Variants in TCF7L1 observed in about 807,000 individuals in gnomAD.
TCF7L1 encodes the protein transcription factor 7 like 1, also known as transcription factor 7-like 1.
In TCF7L1, 18 loss-of-function variants were observed where a neutral mutation model predicts 63.7. The ratio of observed to expected loss-of-function variants is 0.28; its 90% confidence interval spans 0.20 to 0.42. The LOEUF (loss-of-function observed/expected upper bound fraction) is 0.42. Among genes scored for constraint, TCF7L1 ranks in the 10% least tolerant of loss-of-function variants. The probability of loss-of-function intolerance (pLI) is 1.00; values close to 1 mark genes in which losing one functional copy is unlikely to be tolerated. For missense variants in TCF7L1, 654 were observed against 779.3 expected (o/e 0.84, Z 1.91); for synonymous variants, 355 against 340.9 (o/e 1.04, Z -0.46).
chr2:85,175,077 C>A (rs957886637), intron 3 of TCF7L1, among the ~76,000 whole-genome samples: 9 of 152,250 alleles, frequency 5.9e-5, no homozygotes, highest in African/African-American at 2.2e-4. Flanking sequence ...ATCCTTGTCC[C>A]TGGCCCGCCC....
chr2:85,178,890 C>T (rs944414750), intron 3 of TCF7L1, among the ~76,000 whole-genome samples: 1 of 152,098 alleles, frequency 6.6e-6, no homozygotes, highest in Non-Finnish European at 1.5e-5. Context: ...GATTGGATCT[C>T]CTGCCTACAG....
intron 3 of TCF7L1, among the ~76,000 whole-genome samples, chr2:85,182,495 G>A (rs977882441): frequency 6.6e-6 from 1 of 152,202 alleles, no homozygotes; most frequent in African/African-American, 2.4e-5. Flanking sequence ...AATGAATGAA[G>A]TGGGTAGAGA....
At chr2:85,208,239 G>A (rs113874259) in intron 3 of TCF7L1, among the ~76,000 whole-genome samples, 3,850 of 152,214 alleles carry the variant, frequency 0.025, 171 homozygotes, top group African/African-American at 0.087. Context: ...TATATTTTCA[G>A]CCTACAATGG....
At chr2:85,208,070 C>G (rs1258020550) in intron 3 of TCF7L1, among the ~76,000 whole-genome samples, 1 of 152,030 alleles carries the variant, frequency 6.6e-6, no homozygotes, top group African/African-American at 2.4e-5. Flanking sequence ...CCACACATGG[C>G]CAATTTTTTG....
At chr2:85,275,210 T>G (rs1283745350) in intron 3 of TCF7L1, among the ~76,000 whole-genome samples, 1 of 152,196 alleles carries the variant, frequency 6.6e-6, no homozygotes, top group Admixed American at 6.5e-5. Context: ...AAGTAAAATA[T>G]TCCCATTTTA....
At chr2:85,240,227 C>T (rs1390382402) in intron 3 of TCF7L1, among the ~76,000 whole-genome samples, 1 of 152,210 alleles carries the variant, frequency 6.6e-6, no homozygotes, top group African/African-American at 2.4e-5. Context: ...CTCTGGGAGC[C>T]TCCCTTTCCT....
At chr2:85,280,588 A>G (rs1272244770) in intron 3 of TCF7L1, among the ~76,000 whole-genome samples, 1 of 152,214 alleles carries the variant, frequency 6.6e-6, no homozygotes, top group Non-Finnish European at 1.5e-5. Context: ...TTAGGTACCC[A>G]TCTATCCTGT....
intron 3 of TCF7L1, among the ~76,000 whole-genome samples, chr2:85,211,809 G>T (rs1211285411): frequency 6.6e-6 from 1 of 152,138 alleles, no homozygotes; most frequent in Non-Finnish European, 1.5e-5. Flanking sequence ...CAGACTTTCG[G>T]CCAGGAATGG....
chr2:85,309,771 T>G lies in TCF7L1; in HGVS notation c.*309T>G. On this transcript the variant is annotated 3_prime_UTR_variant, in exon 12 of 12. Coordinates refer to ENST00000282111, the MANE Select transcript of TCF7L1 (RefSeq NM_031283.3). ...AGAGGGCACTTCTCTCTCTTACCTC[T>G]CTTGCACTTTCTGTCTCCTGTCTCT... is the stretch of plus-strand genomic sequence containing the variant. 3.3e-6 allele frequency: 1 copy of G among 300,316 alleles called. No homozygotes were observed. Among genetic ancestry groups the G allele is most frequent in the Non-Finnish European group, 6.1e-6 (1 of 163,420 alleles). The allele number at this position is 300,316 out of a possible 1,614,324, so 18.6% of individuals were successfully genotyped here.
chr2:85,261,755 T>C (rs1680861743), intron 3 of TCF7L1, among the ~76,000 whole-genome samples: 1 of 151,614 alleles, frequency 6.6e-6, no homozygotes, highest in Non-Finnish European at 1.5e-5. Context: ...GGTGTGGTGA[T>C]GTGTGCCTAT....
At chr2:85,281,894 C>G (rs1681428838) in intron 3 of TCF7L1, among the ~76,000 whole-genome samples, 1 of 152,210 alleles carries the variant, frequency 6.6e-6, no homozygotes, top group African/African-American at 2.4e-5. Flanking sequence ...TGGGGCTCTT[C>G]CCATCGCCCT....
At chr2:85,195,133 C>T in intron 3 of TCF7L1, among the ~76,000 whole-genome samples, 1 of 152,236 alleles carries the variant, frequency 6.6e-6, no homozygotes, top group East Asian at 1.9e-4. Context: ...ACCTACAAAC[C>T]TTGTAACCTT....
At chr2:85,145,387 T>C (rs892969500) in intron 3 of TCF7L1, among the ~76,000 whole-genome samples, 1 of 152,190 alleles carries the variant, frequency 6.6e-6, no homozygotes, top group African/African-American at 2.4e-5. Context: ...ATGGATCTCA[T>C]TGATAATGAG....
chr2:85,204,291 T>TGCCCC (rs1491359190), intron 3 of TCF7L1, among the ~76,000 whole-genome samples: 1 of 22,022 alleles, frequency 4.5e-5, no homozygotes, highest in African/African-American at 1.9e-4. Flanking sequence ...ATAACTTGCT[T>TGCCCC]CCCCCCCCCC....
At chr2:85,166,701 C>A (rs1300513072) in intron 3 of TCF7L1, among the ~76,000 whole-genome samples, 1 of 152,210 alleles carries the variant, frequency 6.6e-6, no homozygotes, top group Non-Finnish European at 1.5e-5. Context: ...GCATTTGATA[C>A]AAATCCCAGA....
intron 3 of TCF7L1, among the ~76,000 whole-genome samples, chr2:85,247,184 T>C (rs1341048129): frequency 3.9e-5 from 6 of 152,220 alleles, no homozygotes; most frequent in African/African-American, 1.4e-4. Flanking sequence ...GAACACAGCT[T>C]ACCAGGATAC....
chr2:85,249,879 T>A (rs1041313625), intron 3 of TCF7L1, among the ~76,000 whole-genome samples: 11 of 152,238 alleles, frequency 7.2e-5, no homozygotes, highest in Admixed American at 7.2e-4. Context: ...TTTCCTCATC[T>A]GTGAAAAGGT....
At chr2:85,165,362 AACAAGC>A (rs11267446) in intron 3 of TCF7L1, among the ~76,000 whole-genome samples, 20,922 of 152,232 alleles carry the variant, frequency 0.14, 1,679 homozygotes, top group Admixed American at 0.21. Flanking sequence ...GAAGCTTTTG[AACAAGC>A]CCAGCCTTAA....
chr2:85,258,761 C>T (rs542272631), intron 3 of TCF7L1, among the ~76,000 whole-genome samples: 24 of 152,312 alleles, frequency 1.6e-4, no homozygotes, highest in African/African-American at 5.3e-4. Flanking sequence ...GTTGGGGGGG[C>T]TGTCTGCATG....
Sources: allele counts gnomAD v4.1 joint callset (sites outside exome capture counted in the v4.1 genomes callset), GRCh38; gene constraint gnomAD v4.1.1; transcripts MANE v1.5; gene names NCBI Gene and HGNC (gene_info 2026-07-23, HGNC 2026-07-21).